CPA6: variants seen among roughly 807,000 people sequenced by gnomAD.
CPA6 encodes carboxypeptidase B.
Under a neutral mutation model 63.3 loss-of-function variants are expected in CPA6, and 58 were observed. The ratio of observed to expected loss-of-function variants is 0.92; its 90% CI spans 0.74 to 1.14. The LOEUF is 1.14. Ranked by LOEUF, CPA6 falls within the 50% of genes most tolerant of loss-of-function variation. The pLI, the probability that CPA6 is intolerant of heterozygous loss-of-function variation, is 0.00. For missense variants in CPA6, 565 were observed against 526.6 expected, an observed-to-expected ratio of 1.07 and a Z score of -0.71; for synonymous variants, 185 against 179.0, an observed-to-expected ratio of 1.03 and a Z score of -0.27.
intron 2 of CPA6, among the ~76,000 whole-genome samples, chr8:67,552,243 C>T (rs143838900): frequency 5.5e-4 from 84 of 152,218 alleles, no homozygotes; most frequent in African/African-American, 1.3e-3. Context: ...AATTCATAAA[C>T]GGAATAGGAG....
intron 8 of CPA6, among the ~76,000 whole-genome samples, chr8:67,448,626 T>C (rs562077041): frequency 3.0e-4 from 16 of 53,630 alleles, no homozygotes; most frequent in African/African-American, 7.6e-4. Context: ...AGTGAGACCC[T>C]ATCTCAAAAA....
At chr8:67,661,620 G>A (rs1816111179) in intron 1 of CPA6, among the ~76,000 whole-genome samples, 1 of 152,200 alleles carries the variant, frequency 6.6e-6, no homozygotes, top group Non-Finnish European at 1.5e-5. Context: ...TCAACTCAGA[G>A]ACTGCTTTAT....
intron 1 of CPA6, 65 bp downstream of exon 1, chr8:67,745,949 C>T: frequency 8.2e-7 from 1 of 1,226,092 alleles, no homozygotes; most frequent in Non-Finnish European, 1.2e-6. Context: ...GAGGCACACT[C>T]TGGAGCAAAC....
chr8:67,608,119 G>GA (rs995454526), intron 2 of CPA6, among the ~76,000 whole-genome samples: 12 of 152,296 alleles, frequency 7.9e-5, no homozygotes, highest in Admixed American at 7.8e-4. Context: ...TTTCAGCTGA[G>GA]AAAAAGCCCA....
chr8:67,536,342 T>C (rs917117364), intron 2 of CPA6, among the ~76,000 whole-genome samples: 3 of 152,230 alleles, frequency 2.0e-5, no homozygotes, highest in African/African-American at 7.2e-5. Context: ...GGAATCTTTT[T>C]CCATTTGTTT....
intron 8 of CPA6, among the ~76,000 whole-genome samples, chr8:67,472,513 C>T (rs1008893473): frequency 1.3e-5 from 2 of 152,014 alleles, no homozygotes; most frequent in Non-Finnish European, 1.5e-5. Context: ...CAACCTCCGC[C>T]TCCTGGGCTC....
chr8:67,434,302 T>C, intron 8 of CPA6, 62 bp from the exon 9 acceptor site: 1 of 1,301,956 alleles, frequency 7.7e-7, no homozygotes, highest in Non-Finnish European at 1.1e-6. Context: ...GAAACACAAA[T>C]CAGCACTGTT....
intron 1 of CPA6, among the ~76,000 whole-genome samples, chr8:67,653,793 G>C (rs1298207126): frequency 6.6e-6 from 1 of 152,140 alleles, no homozygotes; most frequent in African/African-American, 2.4e-5. Flanking sequence ...AATAGGAGTG[G>C]TGAGAGAGGG....
At chr8:67,734,191 T>C (rs1301601137) in intron 1 of CPA6, among the ~76,000 whole-genome samples, 2 of 151,910 alleles carry the variant, frequency 1.3e-5, no homozygotes, top group African/African-American at 2.4e-5. Context: ...TCAAGAAAGA[T>C]ACATTTATTT....
intron 1 of CPA6, among the ~76,000 whole-genome samples, chr8:67,627,382 C>A (rs906006430): frequency 1.3e-5 from 2 of 152,166 alleles, no homozygotes; most frequent in African/African-American, 2.4e-5. Flanking sequence ...ACTAACCATG[C>A]AAAACTATCA....
intron 2 of CPA6, among the ~76,000 whole-genome samples, chr8:67,539,505 T>C (rs1297075660): frequency 6.6e-6 from 1 of 152,194 alleles, no homozygotes; most frequent in African/African-American, 2.4e-5. Context: ...AGTATCTTTG[T>C]GGTGTTCTCT....
chr8:67,656,215 A>G (rs1563379789), intron 1 of CPA6, among the ~76,000 whole-genome samples: 1 of 152,192 alleles, frequency 6.6e-6, no homozygotes, highest in Non-Finnish European at 1.5e-5. Flanking sequence ...GGCCTGGGTC[A>G]TTTAATCTCA....
At position 67,504,000 on chromosome 8, in the gene CPA6, G is replaced by A. The variant is rs138715870; in HGVS notation, c.636+2787C>T. Among the ~76,000 whole-genome samples, 357 of 152,116 alleles carry A rather than the reference G, an allele frequency of 2.3e-3. 2 individuals carry two copies. The highest frequency in any genetic ancestry group is 8.1e-3 in the African/African-American group (336 of 41,468). ...CTCCCACTTATGAGAGAACACATGC[G>A]TTGTATTATTTAATCCTCCCAATAA... On this transcript the variant is annotated intron_variant, in intron 6 of 10. Coordinates refer to ENST00000297770, the MANE Select transcript of CPA6 (RefSeq NM_020361.5).
intron 9 of CPA6, among the ~76,000 whole-genome samples, chr8:67,432,888 A>C (rs942668592): frequency 1.3e-5 from 2 of 152,216 alleles, no homozygotes; most frequent in African/African-American, 4.8e-5. Context: ...CAGCCAAGTC[A>C]GACAGGAATG....
intron 2 of CPA6, among the ~76,000 whole-genome samples, chr8:67,591,895 T>A (rs1478977000): frequency 6.6e-6 from 1 of 152,200 alleles, no homozygotes; most frequent in East Asian, 1.9e-4. Context: ...TCCTGCCTAA[T>A]TGCCCTGGCC....
chr8:67,574,452 G>A (rs1219458193), intron 2 of CPA6, among the ~76,000 whole-genome samples: 1 of 150,350 alleles, frequency 6.7e-6, no homozygotes, highest in African/African-American at 2.4e-5. Context: ...AAAGAACAAA[G>A]CTAGAGGTAT....
chr8:67,678,409 T>C (rs1587694783), intron 1 of CPA6, among the ~76,000 whole-genome samples: 2 of 152,098 alleles, frequency 1.3e-5, no homozygotes, highest in South Asian at 4.1e-4. Context: ...CCAAAATATA[T>C]AAAGGACTTC....
chr8:67,692,376 G>A (rs1302166148), intron 1 of CPA6, among the ~76,000 whole-genome samples: 1 of 150,926 alleles, frequency 6.6e-6, no homozygotes, highest in Non-Finnish European at 1.5e-5. Flanking sequence ...TAAAACTTGA[G>A]TATGAGGAAG....
At chr8:67,667,737 A>T (rs1168957459) in intron 1 of CPA6, among the ~76,000 whole-genome samples, 5 of 152,232 alleles carry the variant, frequency 3.3e-5, no homozygotes, top group African/African-American at 1.2e-4. Context: ...TCAACTGAAT[A>T]CAAGATATGT....
Sources: gnomAD v4.1 joint callset for allele counts (sites outside exome capture counted in the v4.1 genomes callset) on GRCh38, gnomAD v4.1.1 for gene constraint, MANE v1.5 for transcripts, NCBI Gene and HGNC (gene_info 2026-07-23, HGNC 2026-07-21) for gene names.